ERC2: variants seen among roughly 807,000 people sequenced by gnomAD.
ERC2 encodes the protein ELKS/RAB6-interacting/CAST family member 2, also known as ERC protein 2.
Under a neutral mutation model 114.8 loss-of-function variants are expected in ERC2, and 42 were observed. That is an observed-to-expected ratio of 0.37 (90% CI 0.29 to 0.47). The LOEUF is 0.47. Among genes scored for constraint, ERC2 ranks in the 20% least tolerant of loss-of-function variants. ERC2 has a pLI of 0.99. For missense variants in ERC2, 939 were observed against 1,150.7 expected, an observed-to-expected ratio of 0.82 and a Z score of 2.66; for synonymous variants, 454 against 425.5, an observed-to-expected ratio of 1.07 and a Z score of -0.82.
chr3:55,641,801 T>G (rs1219882781), intron 17 of ERC2, among the ~76,000 whole-genome samples: 2 of 152,168 alleles, frequency 1.3e-5, no homozygotes, highest in African/African-American at 4.8e-5. Flanking sequence ...GGTGCCTTAG[T>G]GCCTTTGTAA....
chr3:56,338,488 G>A (rs1237574216), intron 2 of ERC2, among the ~76,000 whole-genome samples: 1 of 152,092 alleles, frequency 6.6e-6, no homozygotes, highest in African/African-American at 2.4e-5. Context: ...TGAGAAGATG[G>A]GCCTGCCACC....
chr3:56,051,497 GA>G (rs1487561482), intron 7 of ERC2, among the ~76,000 whole-genome samples: 1 of 152,122 alleles, frequency 6.6e-6, no homozygotes, highest in Non-Finnish European at 1.5e-5. Flanking sequence ...AAGAAGAAGT[GA>G]AAAGTCGTTT....
chr3:55,744,949 T>C, intron 14 of ERC2, among the ~76,000 whole-genome samples: 1 of 152,206 alleles, frequency 6.6e-6, no homozygotes, highest in East Asian at 1.9e-4. Flanking sequence ...CATTTGCTTA[T>C]TAAATGACAC....
chr3:56,455,406 C>T (rs1205658309), intron 1 of ERC2, among the ~76,000 whole-genome samples: 1 of 152,092 alleles, frequency 6.6e-6, no homozygotes, highest in African/African-American at 2.4e-5. Flanking sequence ...CATTGCACAA[C>T]TCGCTTAACA....
At chr3:56,467,964 G>A (rs2063626221) in intron 1 of ERC2, among the ~76,000 whole-genome samples, 1 of 152,082 alleles carries the variant, frequency 6.6e-6, no homozygotes, top group South Asian at 2.1e-4. Flanking sequence ...GAGGTGGCCC[G>A]GGCAGCCGGG....
chr3:56,079,731 C>G (rs1458499642), intron 7 of ERC2, among the ~76,000 whole-genome samples: 2 of 152,038 alleles, frequency 1.3e-5, no homozygotes, highest in Non-Finnish European at 2.9e-5. Context: ...GCAATGGACC[C>G]CCAAAATTAT....
chr3:55,604,103 TA>T (rs2058538202), intron 17 of ERC2, among the ~76,000 whole-genome samples: 2 of 152,186 alleles, frequency 1.3e-5, no homozygotes, highest in Non-Finnish European at 2.9e-5. Flanking sequence ...AATATTTCCT[TA>T]ATGATTCAAC....
chr3:55,984,662 T>C (rs1389964555), intron 12 of ERC2, among the ~76,000 whole-genome samples: 3 of 152,158 alleles, frequency 2.0e-5, no homozygotes, highest in African/African-American at 4.8e-5. Context: ...AGAAAGTAAA[T>C]TAAGAGTCAT....
chr3:56,381,611 C>G (rs552129548), intron 2 of ERC2, among the ~76,000 whole-genome samples: 1 of 150,266 alleles, frequency 6.7e-6, no homozygotes, highest in South Asian at 2.1e-4. Context: ...CTTAGTGTCT[C>G]AAAGATCAAC....
intron 8 of ERC2, among the ~76,000 whole-genome samples, chr3:56,012,445 G>A (rs1003662358): frequency 1.3e-5 from 2 of 152,076 alleles, no homozygotes; most frequent in African/African-American, 4.8e-5. Context: ...CTTTCAAGAG[G>A]GCAGCACTAA....
intron 17 of ERC2, among the ~76,000 whole-genome samples, chr3:55,535,339 C>G (rs941482274): frequency 1.3e-5 from 2 of 152,170 alleles, no homozygotes; most frequent in South Asian, 2.1e-4. Context: ...GCATGACTGC[C>G]TTCCAAATTC....
chr3:56,293,844 TC>T (rs1403875869), intron 3 of ERC2, among the ~76,000 whole-genome samples: 1 of 152,204 alleles, frequency 6.6e-6, no homozygotes, highest in African/African-American at 2.4e-5. Flanking sequence ...GTGTTTAGAT[TC>T]ATTTAAATGG....
chr3:56,429,126 G>A (rs927079661), intron 2 of ERC2, among the ~76,000 whole-genome samples: 3 of 152,136 alleles, frequency 2.0e-5, no homozygotes, highest in Non-Finnish European at 4.4e-5. Flanking sequence ...ACCTTAAAAA[G>A]ATGTATTCAC....
At chr3:55,892,870 A>G (rs1368474057) in intron 13 of ERC2, among the ~76,000 whole-genome samples, 3 of 152,090 alleles carry the variant, frequency 2.0e-5, no homozygotes, top group Non-Finnish European at 4.4e-5. Flanking sequence ...TGCTTCTCTT[A>G]GTGTTATGGT....
chr3:55,821,143 C>T (rs72877139), intron 14 of ERC2, among the ~76,000 whole-genome samples: 7,560 of 152,172 alleles, frequency 0.05, 228 homozygotes, highest in African/African-American at 0.086. Context: ...AGAGGAGAAA[C>T]CACATCAACT....
At chr3:55,870,862 T>G (rs1197603615) in intron 14 of ERC2, among the ~76,000 whole-genome samples, 1 of 152,212 alleles carries the variant, frequency 6.6e-6, no homozygotes, top group African/African-American at 2.4e-5. Context: ...TGTTTTGGTG[T>G]GGGACTGTGG....
At chr3:55,704,904 C>T (rs938041788) in intron 15 of ERC2, among the ~76,000 whole-genome samples, 6 of 152,230 alleles carry the variant, frequency 3.9e-5, no homozygotes, top group Non-Finnish European at 7.3e-5. Flanking sequence ...GTTTGGCCAG[C>T]ATTCTCCTGC....
At chr3:56,040,701 G>T (rs2075130822) in intron 7 of ERC2, among the ~76,000 whole-genome samples, 2 of 113,238 alleles carry the variant, frequency 1.8e-5, no homozygotes, top group African/African-American at 3.4e-5. Flanking sequence ...TATAGAGAGA[G>T]ATATATAGAG....
chr3:56,411,802 T>C (rs113309996), intron 2 of ERC2, among the ~76,000 whole-genome samples: 76 of 152,212 alleles, frequency 5.0e-4, no homozygotes, highest in South Asian at 1.9e-3. Context: ...GAACTCCAGA[T>C]ACTATATTCT....
Sources: gnomAD v4.1 joint callset for allele counts (sites outside exome capture counted in the v4.1 genomes callset) on GRCh38, gnomAD v4.1.1 for gene constraint, MANE v1.5 for transcripts, NCBI Gene and HGNC (gene_info 2026-07-23, HGNC 2026-07-21) for gene names.